Variants in ADH4 observed in about 807,000 individuals in gnomAD.
ADH4 encodes the protein alcohol dehydrogenase 4 (class II), pi polypeptide, also known as all-trans-retinol dehydrogenase [NAD(+)] ADH4.
A neutral mutation model predicts 35.2 loss-of-function variants in ADH4; 31 were observed. The ratio of observed to expected loss-of-function variants is 0.88; its 90% CI spans 0.66 to 1.19. The LOEUF (loss-of-function observed/expected upper bound fraction) is 1.19. Ranked by LOEUF, ADH4 falls within the 50% of genes most tolerant of loss-of-function variation. The pLI is 0.00. For synonymous variants in ADH4, 171 were observed against 160.2 expected (o/e 1.07, Z -0.51); for missense variants, 476 against 458.3 (o/e 1.04, Z -0.35).
At chr4:99,138,347 G>C (rs1729509444) in intron 4 of ADH4, among the ~76,000 whole-genome samples, 1 of 152,102 alleles carries the variant, frequency 6.6e-6, no homozygotes, top group Non-Finnish European at 1.5e-5. Flanking sequence ...TGTAAGAGTA[G>C]TACAATTTTA....
intron 5 of ADH4, among the ~76,000 whole-genome samples, chr4:99,133,016 G>T (rs1022865400): frequency 6.6e-6 from 1 of 152,092 alleles, no homozygotes; most frequent in African/African-American, 2.4e-5. Context: ...TAATGTTGTG[G>T]CATGTGTTCA....
chr4:99,143,857 A>G lies in ADH4; in HGVS notation c.18+348T>C, dbSNP rs962042802. 6.6e-5 allele frequency among the ~76,000 whole-genome samples: 10 copies of G among 152,276 alleles called. No homozygotes were observed. In the Middle Eastern group the frequency reaches 0.014, roughly 207 times the overall value. ...GATACATTGTCCATAGTATTTTGTA[A>G]TATACTTTTTCTACTATTAATATAC... On this transcript the variant is annotated intron_variant, in intron 1 of 8. Coordinates refer to ENST00000265512, the MANE Select transcript of ADH4 (RefSeq NM_000670.5).
Position 99,141,544 on chromosome 4 carries a change from G to T in ADH4, c.259C>A (p.Pro87Thr). 2 of 1,604,642 alleles carry T rather than the reference G, an allele frequency of 1.2e-6. No individual in the cohort carries two copies. The highest frequency in any genetic ancestry group is 1.7e-6 in the Non-Finnish European group (2 of 1,176,496). Residue 87 changes from proline (P) to threonine (T), a missense_variant, in exon 3 of 9, where the codon CCA (proline) becomes ACA (threonine). Coordinates refer to ENST00000265512, the MANE Select transcript of ADH4 (RefSeq NM_000670.5). ...TTTTCTGAATAAAATAAAATACCTG[G>T]TTTGACGTTGGTCACTCCTGGCCCA... ...SIGPGVTNVK[P>T]GDKVIPLYAP... is the part of the protein sequence containing the mutation.
intron 1 of ADH4, 94 bp downstream of exon 1, chr4:99,144,111 T>G (rs563552197): frequency 7.1e-7 from 1 of 1,411,944 alleles, no homozygotes. Flanking sequence ...TGTAAGTCAC[T>G]GCTTCCTGAG....
chr4:99,134,956 G>A (rs1342466036), intron 5 of ADH4, among the ~76,000 whole-genome samples: 1 of 151,900 alleles, frequency 6.6e-6, no homozygotes, highest in Non-Finnish European at 1.5e-5. Context: ...TCACCAGGAT[G>A]TTTTATGCAC....
At chr4:99,142,185 C>T (rs933435912) in intron 2 of ADH4, among the ~76,000 whole-genome samples, 1 of 152,132 alleles carries the variant, frequency 6.6e-6, no homozygotes, top group African/African-American at 2.4e-5. Flanking sequence ...GGGAAATTGT[C>T]CAAACTTGCC....
At chr4:99,140,053 G>A (rs571119226) in intron 3 of ADH4, among the ~76,000 whole-genome samples, 1 of 152,170 alleles carries the variant, frequency 6.6e-6, no homozygotes, top group Non-Finnish European at 1.5e-5. Context: ...GTATCTGGAG[G>A]ATCTGTTGTA....
rs1338907683 is a variant in ADH4 at position 99,126,713 on chromosome 4, A to G, written c.999T>C (p.Ser333=). ...TFFGGWKSVD[S]IPKLVTDYKN... is the part of the protein sequence containing the mutation. The stretch of plus-strand genomic sequence containing the variant: ...TATAGTCAGTGACCAGCTTTGGGAT[A>G]GAATCTACACTTTTCCAACCTGTAA... The change falls in exon 8 of 9, where the codon TCT becomes TCC. Residue 333 remains serine, a synonymous_variant. Transcript: ENST00000265512. The G allele has an allele frequency of 1.2e-6, 2 of 1,608,254 alleles. No homozygotes were observed. The highest frequency in any genetic ancestry group is 1.7e-5 in the Admixed American group (1 of 59,946).
At chr4:99,141,484 A>G in intron 3 of ADH4, 57 bp downstream of exon 3, 1 of 1,527,380 alleles carries the variant, frequency 6.5e-7, no homozygotes, top group Non-Finnish European at 8.9e-7. Flanking sequence ...GGACTCTATC[A>G]ATAATTATCT....
rs1295857673 is a variant in ADH4 at position 99,142,739 on chromosome 4, C to A, written c.60G>T (p.Lys20Asn). The A allele has an allele frequency of 6.2e-7, 1 of 1,605,922 alleles. No individual in the cohort carries two copies. The highest frequency in any genetic ancestry group is 8.5e-7 in the Non-Finnish European group (1 of 1,177,158). ...CKAAIAWEAG[K>N]PLCIEEVEVA... ...CTTCAACCTCTTCAATGCAAAGGGG[C>A]TTGCCTGCTTCCCAGGCGATGGCTG... Residue 20 changes from lysine to asparagine, a missense_variant, in exon 2 of 9, where the codon AAG becomes AAT. Lys to Asn is a moderately conservative substitution (Grantham distance 94). Coordinates refer to ENST00000265512, the MANE Select transcript of ADH4 (RefSeq NM_000670.5).
At chr4:99,133,225 GT>G (rs1271602615) in intron 5 of ADH4, among the ~76,000 whole-genome samples, 1 of 152,154 alleles carries the variant, frequency 6.6e-6, no homozygotes, top group Non-Finnish European at 1.5e-5. Context: ...AAGTGCCTTT[GT>G]TTGCAGAACT....
chr4:99,143,075 T>C, intron 1 of ADH4: 1 of 696,078 alleles, frequency 1.4e-6, no homozygotes, highest in Non-Finnish European at 2.6e-6. Context: ...TTTCCCTCTA[T>C]AACAGAGAGA....
intron 1 of ADH4, chr4:99,143,499 AT>A: frequency 3.5e-6 from 1 of 282,900 alleles, no homozygotes; most frequent in East Asian, 6.6e-5. Flanking sequence ...CTCAAATTAT[AT>A]TTTTAATTTC....
In ADH4 at chr4:99,131,779, AT is replaced by A. The variant is rs1405471340; in HGVS notation, c.583-16del. ...CCAGGGGTGACCTGCAAGCAGGAAA[AT>A]TATAAAGTAACTTCTAAAGCAGCCA... On this transcript the variant is annotated splice_polypyrimidine_tract_variant and intron_variant, in intron 5 of 8. Coordinates refer to ENST00000265512, the MANE Select transcript of ADH4 (RefSeq NM_000670.5). The A allele has an allele frequency of 1.9e-6, 3 of 1,606,334 alleles. No individual in the cohort carries two copies. Among genetic ancestry groups the A allele is most frequent in the African/African-American group, 2.7e-5 (2 of 74,404 alleles).
chr4:99,124,518 C>T, intron 8 of ADH4, 52 bp from the exon 9 acceptor site: 1 of 1,175,992 alleles, frequency 8.5e-7, no homozygotes. Context: ...ATAAATTTAA[C>T]CAAAGCTCAC....
chr4:99,135,953 G>A (rs1490377014), intron 5 of ADH4, among the ~76,000 whole-genome samples: 3 of 152,086 alleles, frequency 2.0e-5, no homozygotes, highest in Non-Finnish European at 2.9e-5. Flanking sequence ...TCAACATTAC[G>A]GCTGCTACCA....
intron 1 of ADH4, 51 bp downstream of exon 1, chr4:99,144,154 C>G (rs1729727639): frequency 6.2e-7 from 1 of 1,604,104 alleles, no homozygotes; most frequent in African/African-American, 1.3e-5. Context: ...GCCAAACATA[C>G]AAGGACACAG....
In ADH4 at chr4:99,131,696, A is replaced by C; in HGVS notation, c.651T>G (p.Cys217Trp). The change falls in exon 6 of 9, where the codon TGT becomes TGG. Residue 217 changes from cysteine to tryptophan, a missense_variant. Physicochemically the swap from Cys to Trp is radical, Grantham distance 215 (BLOSUM62 -2). Coordinates refer to ENST00000265512, the MANE Select transcript of ADH4 (RefSeq NM_000670.5). ...TGATTCTGGAAGCTCCTGCTGCTTT[A>C]CAACCCATTACAGCAGAAAGACCCA... ...GGVGLSAVMG[C>W]KAAGASRIIG... 1 of 1,614,160 alleles carries C rather than the reference A, an allele frequency of 6.2e-7. No homozygotes were observed. The highest frequency in any genetic ancestry group is 8.5e-7 in the Non-Finnish European group (1 of 1,180,022).
intron 5 of ADH4, chr4:99,133,647 A>G (rs1729352560): frequency 6.6e-6 from 1 of 152,120 alleles, no homozygotes; most frequent in Non-Finnish European, 1.5e-5. Context: ...ATTTAGGTCG[A>G]CTTTGACTGG....
Sources: allele counts gnomAD v4.1 joint callset (sites outside exome capture counted in the v4.1 genomes callset), GRCh38; gene constraint gnomAD v4.1.1; transcripts MANE v1.5; gene names NCBI Gene and HGNC (gene_info 2026-07-23, HGNC 2026-07-21).